Variants in SUN5 observed in about 807,000 individuals in gnomAD.
SUN5 encodes Sad1 and UNC84 domain containing 5, also known as SUN domain-containing protein 5.
SUN5 carries 44 observed loss-of-function variants against 53.7 expected under a neutral mutation model. The ratio of observed to expected loss-of-function variants is 0.82; its 90% CI spans 0.64 to 1.05. SUN5 has a LOEUF of 1.05. Ranked by LOEUF, SUN5 falls within the 50% of genes least tolerant of loss-of-function variation. The pLI, the probability that SUN5 is intolerant of heterozygous loss-of-function variation, is 0.00. For synonymous variants in SUN5, 166 were observed against 179.8 expected (o/e 0.92, Z 0.62); for missense variants, 433 against 483.8 (o/e 0.90, Z 0.98).
intron 9 of SUN5, among the ~76,000 whole-genome samples, chr20:32,989,381 ATGTTG>A (rs1989644241): frequency 2.0e-5 from 3 of 152,172 alleles, no homozygotes; most frequent in South Asian, 4.1e-4. Flanking sequence ...ATCTTCTATA[ATGTTG>A]AGGGCCTGTG....
At chr20:32,993,629 C>T (rs1444556881) in intron 8 of SUN5, among the ~76,000 whole-genome samples, 2 of 152,150 alleles carry the variant, frequency 1.3e-5, no homozygotes, top group Non-Finnish European at 2.9e-5. Flanking sequence ...CTTCACAGTG[C>T]TTAGGAAACG....
intron 3 of SUN5, among the ~76,000 whole-genome samples, chr20:33,001,979 C>T (rs1409777747): frequency 6.6e-6 from 1 of 152,124 alleles, no homozygotes; most frequent in Non-Finnish European, 1.5e-5. Context: ...GACTCAGGAG[C>T]ACAAAAGGCC....
chr20:33,002,889 C>A lies in SUN5; in HGVS notation c.108G>T (p.Arg36Ser). 1 of 1,614,184 alleles carries A rather than the reference C, an allele frequency of 6.2e-7. No individual in the cohort carries two copies. Reference sequence around the variant, plus strand: ...TGTTTGGGGAGGTGTCCTCTGCCATCCTGCTGGTGTTCCGGCCTCGCTGGG... The same window carrying A: ...TGTTTGGGGAGGTGTCCTCTGCCATACTGCTGGTGTTCCGGCCTCGCTGGG... Reference protein sequence around the residue: ...RIAQRGRNTSRMAEDTSPNMN... With the variant: ...RIAQRGRNTSSMAEDTSPNMN... The change falls in exon 2 of 13, where the codon AGG becomes AGT. Residue 36 changes from arginine (R) to serine (S), a missense_variant. Transcript: ENST00000356173.
chr20:32,998,175 CAAAAAAAAAAAAAA>C (rs35729664), intron 5 of SUN5, among the ~76,000 whole-genome samples: 262 of 59,748 alleles, frequency 4.4e-3, no homozygotes, highest in African/African-American at 0.015. Flanking sequence ...CCCATCTCTA[CAAAAAAAAAAAAAA>C]AAAAAAAAAA....
intron 5 of SUN5, among the ~76,000 whole-genome samples, chr20:32,997,993 T>G (rs554417276): frequency 6.6e-6 from 1 of 151,988 alleles, no homozygotes; most frequent in Non-Finnish European, 1.5e-5. Context: ...AAGAAGGCGC[T>G]CTGCATTTTA....
At chr20:32,995,783 C>T in intron 7 of SUN5, 56 bp from the exon 8 acceptor site, 1 of 1,514,640 alleles carries the variant, frequency 6.6e-7, no homozygotes, top group Non-Finnish European at 9.2e-7. Context: ...GTTGTTGTTA[C>T]CCTCAGATTT....
At chr20:32,988,649 C>T (rs954969146) in intron 9 of SUN5, among the ~76,000 whole-genome samples, 33 of 152,036 alleles carry the variant, frequency 2.2e-4, no homozygotes, top group East Asian at 7.7e-4. Context: ...AGTGCAGTGG[C>T]GCGATCCTGG....
chr20:32,989,624 A>G lies in SUN5; in HGVS notation c.609T>C (p.Ser203=). ...YIEKPDFALK[S]IGASIDFEHT... ...GTGGGGAAGGGGGTCACCTACCTAT[A>G]GACTTCAGGGCAAAGTCTGGCTTTT... is the stretch of plus-strand genomic sequence containing the variant. Residue 203 remains serine, a synonymous_variant, in exon 9 of 13, where the codon TCT becomes TCC. Coordinates refer to ENST00000356173, the MANE Select transcript of SUN5 (RefSeq NM_080675.4). The G allele has an allele frequency of 6.2e-7, 1 of 1,613,970 alleles. No individual in the cohort carries two copies. The highest frequency in any genetic ancestry group is 8.5e-7 in the Non-Finnish European group (1 of 1,179,958).
chr20:32,988,115 G>A (rs570106474), intron 9 of SUN5, among the ~76,000 whole-genome samples: 1 of 152,148 alleles, frequency 6.6e-6, no homozygotes, highest in African/African-American at 2.4e-5. Flanking sequence ...CGGCCCCCAC[G>A]TCATAGGGCT....
At chr20:32,994,487 T>C (rs1369601164) in intron 8 of SUN5, among the ~76,000 whole-genome samples, 1 of 152,148 alleles carries the variant, frequency 6.6e-6, no homozygotes, top group East Asian at 1.9e-4. Flanking sequence ...AATGTGTTAA[T>C]TAAAATAAAG....
chr20:32,997,800 T>C (rs1485232054), intron 5 of SUN5, 113 bp from the exon 6 acceptor site: 14 of 1,089,732 alleles, frequency 1.3e-5, no homozygotes, highest in African/African-American at 1.2e-4. Flanking sequence ...GCCAGCATTG[T>C]GCAACACTGG....
chr20:33,002,787 T>A, intron 2 of SUN5, 74 bp downstream of exon 2: 1 of 1,605,242 alleles, frequency 6.2e-7, no homozygotes, highest in Non-Finnish European at 8.5e-7. Flanking sequence ...TAGCCCCAGG[T>A]TGCCCGTTTG....
intron 8 of SUN5, among the ~76,000 whole-genome samples, chr20:32,994,085 A>C (rs181725937): frequency 2.0e-5 from 3 of 152,220 alleles, no homozygotes; most frequent in Non-Finnish European, 4.4e-5. Context: ...GGCCTCAAAC[A>C]TACAGTAAGT....
At chr20:33,003,815 G>A (rs1187122921) in intron 1 of SUN5, among the ~76,000 whole-genome samples, 1 of 152,136 alleles carries the variant, frequency 6.6e-6, no homozygotes. Context: ...GGATTGTTTG[G>A]TATACTCTCT....
At position 33,002,616 on chromosome 20, in the gene SUN5, C is replaced by A. The variant is rs749601030; in HGVS notation, c.182G>T (p.Gly61Val). 6.8e-6 allele frequency: 11 copies of A among 1,614,094 alleles called. No homozygotes were observed. In the Middle Eastern group the frequency reaches 8.2e-4, roughly 121 times the overall value. The stretch of plus-strand genomic sequence containing the variant: ...ACATCCCAGCATGCACTGAGTCAGG[C>A]CTAGGGCTTGGTCATTGTTGCGGAC... ...LPVRNNDQAL[G>V]LTQCMLGCVS... Residue 61 changes from glycine (G) to valine (V), a missense_variant, in exon 3 of 13, where the codon GGC becomes GTC. Physicochemically the swap from Gly to Val is moderately radical, Grantham distance 109. Coordinates refer to ENST00000356173, the MANE Select transcript of SUN5 (RefSeq NM_080675.4).
At chr20:33,001,519 C>CTTTCTTTCTT (rs68051515) in intron 3 of SUN5, among the ~76,000 whole-genome samples, 1 of 121,324 alleles carries the variant, frequency 8.2e-6, no homozygotes, top group Non-Finnish European at 1.7e-5. Context: ...TTCTTTCTTT[C>CTTTCTTTCTT]TTCTTTCTTT....
chr20:33,000,112 A>G lies in SUN5; in HGVS notation c.302T>C (p.Leu101Pro). 6.2e-7 allele frequency: 1 copy of G among 1,607,164 alleles called. No individual in the cohort carries two copies. Among genetic ancestry groups the G allele is most frequent in the Non-Finnish European group, 8.5e-7 (1 of 1,177,838 alleles). Residue 101 changes from leucine (L) to proline (P), a missense_variant, in exon 5 of 13, where the codon CTC (leucine) becomes CCC (proline). Physicochemically the swap from Leu to Pro is moderately conservative, Grantham distance 98. Coordinates refer to ENST00000356173, the MANE Select transcript of SUN5 (RefSeq NM_080675.4). ...TCRCKLLCQK[L>P]MEKTGILLLC... ...GAGCAGAATGCCTGTCTTCTCCATGAGCTTCTGGCACAGCAGCTTGCATCT... is the reference window on the plus strand; with the variant it reads ...GAGCAGAATGCCTGTCTTCTCCATGGGCTTCTGGCACAGCAGCTTGCATCT...
intron 8 of SUN5, among the ~76,000 whole-genome samples, chr20:32,990,014 G>A (rs1028644351): frequency 1.3e-5 from 2 of 152,120 alleles, no homozygotes; most frequent in African/African-American, 4.8e-5. Flanking sequence ...GCAACTTACT[G>A]CCCCTCTGAG....
At chr20:32,999,706 C>G in intron 5 of SUN5, 1 of 538,794 alleles carries the variant, frequency 1.9e-6, no homozygotes, top group Admixed American at 3.5e-5. Flanking sequence ...CTCCCTACCC[C>G]ACCCCCAGCC....
Sources: gnomAD v4.1 joint callset for allele counts (sites outside exome capture counted in the v4.1 genomes callset) on GRCh38, gnomAD v4.1.1 for gene constraint, MANE v1.5 for transcripts, NCBI Gene and HGNC (gene_info 2026-07-23, HGNC 2026-07-21) for gene names.